DCUN1D4: variants seen among roughly 807,000 people sequenced by gnomAD.
DCUN1D4 encodes the protein defective in cullin neddylation 1 domain containing 4, also known as DCN1-like protein 4.
Under a neutral mutation model 47.9 loss-of-function variants are expected in DCUN1D4, and 22 were observed. The observed-to-expected ratio is 0.46, with a 90% confidence interval of 0.33 to 0.66. DCUN1D4 has a LOEUF of 0.66. DCUN1D4 is among the 30% of genes least tolerant of loss of function. The pLI is 0.02. For synonymous variants in DCUN1D4, 121 were observed against 112.2 expected (o/e 1.08, Z -0.50); for missense variants, 301 against 340.8 (o/e 0.88, Z 0.92).
chr4:51,911,081 G>A lies in DCUN1D4; in HGVS notation c.627G>A (p.Gln209=). 2 of 1,613,740 alleles carry A rather than the reference G, an allele frequency of 1.2e-6. No individual in the cohort carries two copies. Among genetic ancestry groups the A allele is most frequent in the South Asian group, 1.1e-5 (1 of 91,042 alleles). Residue 209 remains glutamine, a synonymous_variant, in exon 9 of 11, where the codon CAG becomes CAA. Transcript: ENST00000334635. Reference sequence around the variant, plus strand: ...TGTTTGTTAAACAGGAAAAGGACCAGCGCAGCCTAGACATAAACACTGCCA... The same window carrying A: ...TGTTTGTTAAACAGGAAAAGGACCAACGCAGCCTAGACATAAACACTGCCA... The part of the protein sequence containing the change: ...YAFDFAREKD[Q]RSLDINTAKC...
intron 7 of DCUN1D4, among the ~76,000 whole-genome samples, chr4:51,896,978 A>G (rs890236729): frequency 2.0e-5 from 3 of 152,166 alleles, no homozygotes; most frequent in Non-Finnish European, 4.4e-5. Context: ...TATCCACTCC[A>G]GCGACAGTGG....
intron 1 of DCUN1D4, among the ~76,000 whole-genome samples, chr4:51,848,935 C>G (rs1322979394): frequency 1.3e-5 from 2 of 152,104 alleles, no homozygotes; most frequent in Admixed American, 6.5e-5. Context: ...TATTTTAGTT[C>G]TGCCTTCGAG....
chr4:51,858,772 T>A (rs1387716318), intron 1 of DCUN1D4, among the ~76,000 whole-genome samples: 2 of 152,222 alleles, frequency 1.3e-5, no homozygotes, highest in African/African-American at 4.8e-5. Flanking sequence ...ATGGGGCAAA[T>A]CCAGCCCTAC....
chr4:51,843,724 G>T, intron 1 of DCUN1D4: 2 of 1,220,424 alleles, frequency 1.6e-6, no homozygotes, highest in Non-Finnish European at 2.0e-6. Context: ...TGGTGCGGGC[G>T]GCTCCGTGAG....
At chr4:51,845,123 A>G in intron 1 of DCUN1D4, 4 of 985,442 alleles carry the variant, frequency 4.1e-6, no homozygotes, top group Non-Finnish European at 4.8e-6. Flanking sequence ...TTGTGGGAAA[A>G]CATTTAAGAA....
intron 1 of DCUN1D4, among the ~76,000 whole-genome samples, chr4:51,848,994 T>C (rs1392002299): frequency 6.6e-6 from 1 of 152,208 alleles, no homozygotes; most frequent in Non-Finnish European, 1.5e-5. Flanking sequence ...TCAGTAGATT[T>C]GCAGAGACGG....
chr4:51,870,343 A>G (rs1386532078), intron 3 of DCUN1D4, among the ~76,000 whole-genome samples: 1 of 152,184 alleles, frequency 6.6e-6, no homozygotes, highest in Non-Finnish European at 1.5e-5. Flanking sequence ...AAAAAATCAC[A>G]GTTATTTTAA....
At chr4:51,877,977 G>A (rs1351001515) in intron 5 of DCUN1D4, 123 bp downstream of exon 5, 1 of 530,028 alleles carries the variant, frequency 1.9e-6, no homozygotes, top group African/African-American at 3.2e-5. Context: ...GTGTGTCCCT[G>A]TTAGAGGGAG....
chr4:51,841,072 C>A (rs564305594), upstream of DCUN1D4, among the ~76,000 whole-genome samples: 1 of 152,290 alleles, frequency 6.6e-6, no homozygotes, highest in East Asian at 1.9e-4. Flanking sequence ...CTTCATCTAG[C>A]TTAACTCTTA....
chr4:51,843,499 G>T (rs1451844205), intron 1 of DCUN1D4: 24 of 1,289,310 alleles, frequency 1.9e-5, no homozygotes, highest in East Asian at 3.2e-5. Flanking sequence ...CGGAGGTGAG[G>T]GGGGTGGGGA....
intron 9 of DCUN1D4, among the ~76,000 whole-genome samples, chr4:51,911,748 T>C (rs1733744528): frequency 6.6e-6 from 1 of 152,172 alleles, no homozygotes; most frequent in South Asian, 2.1e-4. Context: ...TGCTTTTAAG[T>C]ATTGATGATC....
intron 5 of DCUN1D4, chr4:51,884,336 T>C (rs1729135931): frequency 6.6e-6 from 1 of 152,186 alleles, no homozygotes; most frequent in Admixed American, 6.5e-5. Flanking sequence ...GAAAGTCTTG[T>C]TGTTACTTTG....
intron 1 of DCUN1D4, chr4:51,848,262 GTGA>G (rs1560449008): frequency 7.8e-7 from 1 of 1,289,378 alleles, no homozygotes; most frequent in East Asian, 5.5e-5. Context: ...TAAAATGCTG[GTGA>G]TGTGCTGAGG....
At chr4:51,853,746 A>G (rs546291600) in intron 1 of DCUN1D4, among the ~76,000 whole-genome samples, 20 of 152,290 alleles carry the variant, frequency 1.3e-4, no homozygotes, top group African/African-American at 4.1e-4. Flanking sequence ...TGTGTAGCCA[A>G]TGGTTTCATT....
Position 51,911,110 on chromosome 4 carries a change from G to C in DCUN1D4, c.656G>C (p.Cys219Ser), listed in dbSNP as rs1257455481. 6.2e-7 allele frequency: 1 copy of C among 1,613,356 alleles called. No homozygotes were observed. Among genetic ancestry groups the C allele is most frequent in the Admixed American group, 1.7e-5 (1 of 59,882 alleles). The change falls in exon 9 of 11, where the codon TGC becomes TCC. Residue 219 changes from cysteine (C) to serine (S), a missense_variant. Transcript: ENST00000334635. ...QRSLDINTAK[C>S]MLGLLLGKIW... ...AGCCTAGACATAAACACTGCCAAGT[G>C]CATGTTGGGACTGTTATTAGGAAAA...
At chr4:51,894,455 A>G (rs1730922275) in intron 7 of DCUN1D4, among the ~76,000 whole-genome samples, 1 of 148,632 alleles carries the variant, frequency 6.7e-6, no homozygotes, top group African/African-American at 2.5e-5. Flanking sequence ...TGCCAAGTGT[A>G]GTATTCCAGG....
chr4:51,880,793 T>G (rs1433934322), intron 5 of DCUN1D4, among the ~76,000 whole-genome samples: 1 of 152,154 alleles, frequency 6.6e-6, no homozygotes, highest in Admixed American at 6.5e-5. Context: ...AGTGTTTATT[T>G]AGACCTTGAT....
At chr4:51,842,492 G>T (rs1215953972), upstream of DCUN1D4, among the ~76,000 whole-genome samples, 1 of 152,240 alleles carries the variant, frequency 6.6e-6, no homozygotes, top group Non-Finnish European at 1.5e-5. Context: ...GATCTTCGTA[G>T]GAGAAATGGA....
chr4:51,844,825 C>T (rs2109782754), intron 1 of DCUN1D4: 1 of 985,296 alleles, frequency 1.0e-6, no homozygotes, highest in Non-Finnish European at 1.2e-6. Flanking sequence ...GTTGGGTGCA[C>T]GTGGGTAACT....
Sources: allele counts gnomAD v4.1 joint callset (sites outside exome capture counted in the v4.1 genomes callset), GRCh38; gene constraint gnomAD v4.1.1; transcripts MANE v1.5; gene names NCBI Gene and HGNC (gene_info 2026-07-23, HGNC 2026-07-21).